Variants in OXR1 observed in about 807,000 individuals in gnomAD.
OXR1 encodes the protein oxidation resistance protein 1.
In OXR1, 41 loss-of-function variants were observed where a neutral mutation model predicts 104.6. The observed-to-expected ratio is 0.39, with a 90% CI of 0.31 to 0.51. OXR1 has a LOEUF of 0.51. OXR1 is among the 20% of genes least tolerant of loss of function. The pLI, the probability that OXR1 is intolerant of heterozygous loss-of-function variation, is 0.77. For missense variants in OXR1, 955 were observed against 1,031.9 expected (o/e 0.93, Z 1.02); for synonymous variants, 348 against 348.4 (o/e 1.00, Z 0.01).
chr8:106,564,064 T>A (rs1816889708), intron 3 of OXR1, among the ~76,000 whole-genome samples: 1 of 151,702 alleles, frequency 6.6e-6, no homozygotes, highest in African/African-American at 2.4e-5. Flanking sequence ...CATCCTAAGA[T>A]CACAATTAAA....
intron 1 of OXR1, among the ~76,000 whole-genome samples, chr8:106,324,286 C>T (rs928247175): frequency 1.3e-5 from 2 of 152,140 alleles, no homozygotes; most frequent in East Asian, 3.9e-4. Flanking sequence ...TGCATGTTCT[C>T]ACTTAAAAGT....
At chr8:106,337,572 A>G (rs969936765) in intron 1 of OXR1, among the ~76,000 whole-genome samples, 3 of 152,196 alleles carry the variant, frequency 2.0e-5, no homozygotes, top group African/African-American at 7.2e-5. Flanking sequence ...CCCCATAGGA[A>G]ACTCTCATTA....
chr8:106,311,645 T>C (rs1813705952), intron 1 of OXR1, among the ~76,000 whole-genome samples: 1 of 152,146 alleles, frequency 6.6e-6, no homozygotes, highest in African/African-American at 2.4e-5. Context: ...AGGGTAGGGA[T>C]TGGATCTAAG....
intron 2 of OXR1, among the ~76,000 whole-genome samples, chr8:106,515,643 T>C (rs1812809847): frequency 6.6e-6 from 1 of 152,174 alleles, no homozygotes; most frequent in South Asian, 2.1e-4. Context: ...CCGTTGTGTA[T>C]ACATGCAAGT....
chr8:106,735,852 A>T (rs1429159160), intron 11 of OXR1, among the ~76,000 whole-genome samples: 1 of 152,154 alleles, frequency 6.6e-6, no homozygotes, highest in East Asian at 1.9e-4. Context: ...AATTAAATTC[A>T]GAATAATCAA....
chr8:106,288,015 GTTC>G (rs1812570305), intron 1 of OXR1, among the ~76,000 whole-genome samples: 2 of 152,316 alleles, frequency 1.3e-5, no homozygotes, highest in African/African-American at 4.8e-5. Flanking sequence ...CTGTCTGCAA[GTTC>G]TTCTACCAAA....
intron 2 of OXR1, among the ~76,000 whole-genome samples, chr8:106,512,992 G>A (rs1036238716): frequency 6.6e-6 from 1 of 152,078 alleles, no homozygotes; most frequent in Non-Finnish European, 1.5e-5. Context: ...CCTGGGCTTT[G>A]GGATGTACGT....
Position 106,740,512 on chromosome 8 carries a change from G to T in OXR1, c.2316+17G>T, listed in dbSNP as rs1270965081. On this transcript the variant is annotated intron_variant, in intron 14 of 16. Coordinates refer to ENST00000517566, the MANE Select transcript of OXR1 (RefSeq NM_001198533.2). ...GATGGACAGGTATGAAACACCAACT[G>T]CATAGATTGCTTATCCTTTAAGAGC... is the stretch of plus-strand genomic sequence containing the variant. 1 of 1,594,250 alleles carries T rather than the reference G, an allele frequency of 6.3e-7. No homozygotes were observed. Among genetic ancestry groups the T allele is most frequent in the South Asian group, 1.1e-5 (1 of 88,450 alleles).
At chr8:106,585,984 A>G (rs987085384) in intron 3 of OXR1, among the ~76,000 whole-genome samples, 1 of 152,188 alleles carries the variant, frequency 6.6e-6, no homozygotes, top group African/African-American at 2.4e-5. Context: ...TTTACTCCCA[A>G]TTAGACTTTT....
chr8:106,558,295 AC>A (rs1816433273), intron 3 of OXR1, among the ~76,000 whole-genome samples: 1 of 152,222 alleles, frequency 6.6e-6, no homozygotes, highest in Non-Finnish European at 1.5e-5. Flanking sequence ...GCAGCTTAAA[AC>A]AACAACCATT....
intron 1 of OXR1, among the ~76,000 whole-genome samples, chr8:106,300,165 CTCTA>C (rs1813169304): frequency 1.3e-5 from 2 of 152,158 alleles, no homozygotes; most frequent in African/African-American, 4.8e-5. Flanking sequence ...AATTCATCAT[CTCTA>C]TCTAGAAAGG....
At chr8:106,664,576 G>A (rs1826086133) in intron 3 of OXR1, among the ~76,000 whole-genome samples, 1 of 152,114 alleles carries the variant, frequency 6.6e-6, no homozygotes, top group Admixed American at 6.6e-5. Context: ...CATAGAATTA[G>A]GCCTATAAAA....
At chr8:106,589,878 G>A (rs748394884) in intron 3 of OXR1, among the ~76,000 whole-genome samples, 5 of 152,070 alleles carry the variant, frequency 3.3e-5, no homozygotes, top group Middle Eastern at 3.2e-3. Flanking sequence ...TGTTGGTCAG[G>A]CTGGTCTTAA....
intron 6 of OXR1, among the ~76,000 whole-genome samples, chr8:106,692,000 CACACATATATATAT>C (rs1364599245): frequency 6.7e-6 from 1 of 150,154 alleles, no homozygotes; most frequent in Non-Finnish European, 1.5e-5. Context: ...CACACACACA[CACACATATATATAT>C]ACACATATAT....
intron 1 of OXR1, among the ~76,000 whole-genome samples, chr8:106,357,350 T>C (rs1053876629): frequency 1.3e-5 from 2 of 152,124 alleles, no homozygotes; most frequent in African/African-American, 2.4e-5. Context: ...TGTAAGTCTA[T>C]ATGCCGTAAC....
chr8:106,303,461 G>A lies in OXR1; in HGVS notation c.-139+33094G>A, dbSNP rs563970225. On this transcript the variant is annotated intron_variant, in intron 1 of 16. Coordinates refer to ENST00000517566, the MANE Select transcript of OXR1 (RefSeq NM_001198533.2). ...CACTGTGTTAGCCAGGATGATCTTG[G>A]TCTCCTGACCTCATGATCCACCCGC... Among the ~76,000 whole-genome samples, 199 of 149,024 alleles carry A rather than the reference G, an allele frequency of 1.3e-3. 1 individual carries two copies. Among genetic ancestry groups the A allele is most frequent in the African/African-American group, 4.6e-3 (188 of 40,566 alleles).
At chr8:106,503,557 T>G (rs942592753) in intron 2 of OXR1, among the ~76,000 whole-genome samples, 1 of 152,090 alleles carries the variant, frequency 6.6e-6, no homozygotes, top group Non-Finnish European at 1.5e-5. Flanking sequence ...TTATCCCAAA[T>G]AGGTAAGAGC....
chr8:106,422,495 A>T (rs1195219718), intron 2 of OXR1, among the ~76,000 whole-genome samples: 1 of 150,908 alleles, frequency 6.6e-6, no homozygotes, highest in Non-Finnish European at 1.5e-5. Flanking sequence ...TCATTATACT[A>T]AATAATATTT....
chr8:106,587,540 G>A (rs575705140), intron 3 of OXR1, among the ~76,000 whole-genome samples: 2 of 152,328 alleles, frequency 1.3e-5, no homozygotes, highest in East Asian at 1.9e-4. Flanking sequence ...AGTTATGGTT[G>A]TTATTTTAAG....
Sources: gnomAD v4.1 joint callset for allele counts (sites outside exome capture counted in the v4.1 genomes callset) on GRCh38, gnomAD v4.1.1 for gene constraint, MANE v1.5 for transcripts, NCBI Gene and HGNC (gene_info 2026-07-23, HGNC 2026-07-21) for gene names.